STK24: variants seen among roughly 807,000 people sequenced by gnomAD.
STK24 encodes the protein serine/threonine-protein kinase 24.
STK24 carries 21 observed loss-of-function variants against 55.6 expected under a neutral mutation model. The observed-to-expected ratio is 0.38, with a 90% CI of 0.27 to 0.54. STK24 has a LOEUF of 0.54. Ranked by LOEUF, STK24 falls within the 20% of genes least tolerant of loss-of-function variation. STK24 has a pLI of 0.79. For synonymous variants in STK24, 200 were observed against 215.2 expected (o/e 0.93, Z 0.62); for missense variants, 383 against 538.4 (o/e 0.71, Z 2.86).
intron 10 of STK24, chr13:98,456,869 A>G: frequency 4.1e-6 from 2 of 488,472 alleles, no homozygotes; most frequent in South Asian, 5.1e-5. Context: ...CTGGCCAATA[A>G]TTAAGCTGCA....
chr13:98,543,124 T>A, intron 1 of STK24: 1 of 577,860 alleles, frequency 1.7e-6, no homozygotes, highest in South Asian at 7.5e-5. Flanking sequence ...AGTCATGCCA[T>A]CCTCCAAAGT....
At chr13:98,556,440 T>C (rs1272380737) in intron 1 of STK24, among the ~76,000 whole-genome samples, 1 of 152,228 alleles carries the variant, frequency 6.6e-6, no homozygotes, top group Non-Finnish European at 1.5e-5. Context: ...TGCAGCCCTT[T>C]CAGTGCTGTG....
intron 2 of STK24, chr13:98,509,101 T>G (rs1162141400): frequency 6.6e-6 from 1 of 152,140 alleles, no homozygotes; most frequent in African/African-American, 2.4e-5. Context: ...ACTAGAAAAT[T>G]GAAAGGGAAT....
chr13:98,536,056 G>A (rs929545459), intron 1 of STK24, among the ~76,000 whole-genome samples: 1 of 152,184 alleles, frequency 6.6e-6, no homozygotes, highest in African/African-American at 2.4e-5. Flanking sequence ...AGCTTTTAGA[G>A]GCCTCGAAGG....
chr13:98,568,393 G>A (rs1219960934), intron 1 of STK24, among the ~76,000 whole-genome samples: 6 of 152,184 alleles, frequency 3.9e-5, no homozygotes, highest in Non-Finnish European at 7.3e-5. Flanking sequence ...ACCAGGCAGA[G>A]CCTCAAAGTC....
At chr13:98,546,182 C>T (rs1473038633) in intron 1 of STK24, among the ~76,000 whole-genome samples, 1 of 152,158 alleles carries the variant, frequency 6.6e-6, no homozygotes. Context: ...CCTAGTGCCA[C>T]CCCCACTGTC....
rs547635411 is a variant in STK24 at position 98,574,004 on chromosome 13, TA to T, written c.42+2740del. 2.3e-3 allele frequency among the ~76,000 whole-genome samples: 338 copies of T among 148,208 alleles called. 2 individuals are homozygous for T. The highest frequency in any genetic ancestry group is 8.1e-3 in the African/African-American group (323 of 40,110). On this transcript the variant is annotated intron_variant, in intron 1 of 10. Transcript: ENST00000539966. The stretch of plus-strand genomic sequence containing the variant: ...TAGGCCACCTGAATTCACTCTGCTT[TA>T]TTTTTTTATTTTATTTTTTTTTTTG...
chr13:98,507,592 C>T (rs777996066), intron 2 of STK24, among the ~76,000 whole-genome samples: 2 of 152,150 alleles, frequency 1.3e-5, no homozygotes, highest in Non-Finnish European at 2.9e-5. Context: ...CAAGGAATAC[C>T]GTATCTTAGG....
chr13:98,463,717 G>A lies in STK24; in HGVS notation c.903C>T (p.Asp301=), dbSNP rs535980463. 141 of 1,614,096 alleles carry A rather than the reference G, an allele frequency of 8.7e-5. No homozygotes were observed. Among genetic ancestry groups the A allele is most frequent in the East Asian group, 2.7e-4 (12 of 44,878 alleles). ...YKRWKAEQSH[D]DSSSEDSDAE... Reference sequence around the variant, plus strand: ...CGTCGGAATCCTCGGAGCTCGAGTCGTCATGGCTCTGCTCGGCCTTCCATC... The same window carrying A: ...CGTCGGAATCCTCGGAGCTCGAGTCATCATGGCTCTGCTCGGCCTTCCATC... Residue 301 remains aspartate (D), a synonymous_variant, in exon 7 of 11, where the codon GAC becomes GAT. Transcript: ENST00000539966.
chr13:98,466,557 T>C lies in STK24; in HGVS notation c.602A>G (p.Asp201Gly), dbSNP rs765775549. 1 of 1,613,184 alleles carries C rather than the reference T, an allele frequency of 6.2e-7. No homozygotes were observed. The highest frequency in any genetic ancestry group is 8.5e-7 in the Non-Finnish European group (1 of 1,179,592). ...AGCTGTTATGCCCAGGGACCAGATG[T>C]CTGCCTGCAACAAGAAAAGCATCTT... ...IKQSAYDSKA[D>G]IWSLGITAIE... Residue 201 changes from aspartate to glycine, a missense_variant, in exon 6 of 11, where the codon GAC (aspartate) becomes GGC (glycine). Transcript: ENST00000539966.
chr13:98,489,854 A>G (rs1477419966), intron 2 of STK24, among the ~76,000 whole-genome samples: 1 of 152,256 alleles, frequency 6.6e-6, no homozygotes, highest in East Asian at 1.9e-4. Context: ...TTGTGCTAAT[A>G]GAACAAATGA....
At chr13:98,556,971 C>G (rs1003233766) in intron 1 of STK24, among the ~76,000 whole-genome samples, 6 of 152,208 alleles carry the variant, frequency 3.9e-5, no homozygotes, top group African/African-American at 1.4e-4. Flanking sequence ...TTACGACCAG[C>G]TGACACACTG....
intron 2 of STK24, among the ~76,000 whole-genome samples, chr13:98,516,856 T>A (rs1350689865): frequency 6.6e-6 from 1 of 152,184 alleles, no homozygotes; most frequent in Non-Finnish European, 1.5e-5. Flanking sequence ...GACGTTACAA[T>A]AACTAAACAA....
intron 1 of STK24, among the ~76,000 whole-genome samples, chr13:98,542,615 A>T (rs1896920019): frequency 6.6e-6 from 1 of 152,186 alleles, no homozygotes. Context: ...TAGTTCATGC[A>T]CTTCAGATAA....
chr13:98,510,895 A>G (rs1257792236), intron 2 of STK24, among the ~76,000 whole-genome samples: 1 of 152,204 alleles, frequency 6.6e-6, no homozygotes, highest in Admixed American at 6.5e-5. Context: ...GTAGATCGGT[A>G]AAGGTTTTTA....
rs189744964 is a variant in STK24 at position 98,464,280 on chromosome 13, G to A, written c.784-444C>T. 6.2e-3 allele frequency among the ~76,000 whole-genome samples: 948 copies of A among 151,712 alleles called. 8 individuals are homozygous for A. Among genetic ancestry groups the A allele is most frequent in the African/African-American group, 0.021 (890 of 41,452 alleles). The stretch of plus-strand genomic sequence containing the variant: ...AAAATACAAAAAAATTTAGCCGGGC[G>A]TGGTGGTGGGCGCCTGTAGTCCCAG... On this transcript the variant is annotated intron_variant, in intron 6 of 10. Transcript: ENST00000539966.
rs551409239 is a variant in STK24 at position 98,447,121 on chromosome 13, A to G, written c.*6052T>C. The G allele has an allele frequency of 3.2e-5, 10 of 315,474 alleles. No individual in the cohort carries two copies. Among genetic ancestry groups the G allele is most frequent in the Admixed American group, 9.1e-5 (2 of 22,002 alleles). 19.5% of individuals were successfully genotyped at this position (315,474 alleles called of 1,614,324 possible). On this transcript the variant is annotated 3_prime_UTR_variant, in exon 11 of 11. Coordinates refer to ENST00000539966, the MANE Select transcript of STK24 (RefSeq NM_001032296.4). ...GCTAAGCCCCAGTGAGACTGCCTAC[A>G]TGGTGTAATGGCAGGGACTGCAGAC...
At chr13:98,540,937 C>T (rs1390276564) in intron 1 of STK24, among the ~76,000 whole-genome samples, 1 of 152,036 alleles carries the variant, frequency 6.6e-6, no homozygotes, top group Admixed American at 6.6e-5. Flanking sequence ...TCTGAAGAAG[C>T]TCCCCAGGCC....
chr13:98,555,558 G>A (rs1322639244), intron 1 of STK24, among the ~76,000 whole-genome samples: 8 of 151,588 alleles, frequency 5.3e-5, no homozygotes, highest in Admixed American at 2.6e-4. Context: ...CAGCCTGGGC[G>A]ACAGAGTGAG....
Sources: allele counts gnomAD v4.1 joint callset (sites outside exome capture counted in the v4.1 genomes callset), GRCh38; gene constraint gnomAD v4.1.1; transcripts MANE v1.5; gene names NCBI Gene and HGNC (gene_info 2026-07-23, HGNC 2026-07-21).